The following DRC11 variants were observed in gnomAD, a reference collection of about 807,000 sequenced individuals.
DRC11 encodes the protein IQ and AAA domain-containing protein 1.
the DRC11 span, among the ~76,000 whole-genome samples, chr2:236,357,998 A>G: frequency 8.7e-6 from 1 of 115,510 alleles, no homozygotes; most frequent in South Asian, 2.7e-4. Flanking sequence ...ATATATATGA[A>G]TATATATTTA....
chr2:236,422,765 C>T, the DRC11 span, among the ~76,000 whole-genome samples: 1 of 152,102 alleles, frequency 6.6e-6, no homozygotes, highest in Non-Finnish European at 1.5e-5. Flanking sequence ...GCCAAAAGAA[C>T]AAAGCTGGAG....
At chr2:236,418,629 C>T in the DRC11 span, among the ~76,000 whole-genome samples, 17 of 152,328 alleles carry the variant, frequency 1.1e-4, no homozygotes, top group African/African-American at 3.8e-4. Flanking sequence ...TTCCAACCCC[C>T]CTACACGACG....
chr2:236,442,635 C>G, the DRC11 span, among the ~76,000 whole-genome samples: 1 of 152,150 alleles, frequency 6.6e-6, no homozygotes. Flanking sequence ...AGGTCTCGGT[C>G]ACTGGAAAAC....
At chr2:236,397,252 G>C in the DRC11 span, among the ~76,000 whole-genome samples, 1 of 152,242 alleles carries the variant, frequency 6.6e-6, no homozygotes, top group African/African-American at 2.4e-5. This position sits in a 1 kb window ranked among gnomAD's most constrained non-coding sequence, Gnocchi z 5.0. Flanking sequence ...CTGACTTCCT[G>C]CCATGGGACA....
the DRC11 span, among the ~76,000 whole-genome samples, chr2:236,444,232 G>A: frequency 4.6e-5 from 7 of 152,192 alleles, no homozygotes; most frequent in African/African-American, 9.6e-5. Context: ...TGTTGCAATC[G>A]CCTTTGGCGT....
chr2:236,486,902 TA>T, the DRC11 span: 1 of 1,596,882 alleles, frequency 6.3e-7, no homozygotes. The surrounding 1 kb of genome is among the most constrained non-coding windows in gnomAD (Gnocchi z 5.7). Flanking sequence ...TCGCCAAACC[TA>T]AAAACAAATA....
At chr2:236,448,934 A>G in the DRC11 span, among the ~76,000 whole-genome samples, 1 of 151,216 alleles carries the variant, frequency 6.6e-6, no homozygotes, top group African/African-American at 2.4e-5. The surrounding 1 kb of genome is among the most constrained non-coding windows in gnomAD (Gnocchi z 5.3). Flanking sequence ...ATCTCGGCTC[A>G]CTGCAACCTC....
the DRC11 span, among the ~76,000 whole-genome samples, chr2:236,455,485 A>G: frequency 6.6e-6 from 1 of 152,232 alleles, no homozygotes; most frequent in African/African-American, 2.4e-5. This position sits in a 1 kb window ranked among gnomAD's most constrained non-coding sequence, Gnocchi z 5.7. Context: ...GAGAGCTCGG[A>G]GATACTAGCA....
At chr2:236,452,247 C>G in the DRC11 span, among the ~76,000 whole-genome samples, 1 of 152,158 alleles carries the variant, frequency 6.6e-6, no homozygotes, top group Non-Finnish European at 1.5e-5. The surrounding 1 kb of genome is among the most constrained non-coding windows in gnomAD (Gnocchi z 4.7). Flanking sequence ...GTGAAAATGA[C>G]CATCTCTGGA....
At chr2:236,448,639 TTTA>T in the DRC11 span, among the ~76,000 whole-genome samples, 183 of 151,332 alleles carry the variant, frequency 1.2e-3, 1 homozygote, top group African/African-American at 4.2e-3. This position sits in a 1 kb window ranked among gnomAD's most constrained non-coding sequence, Gnocchi z 5.3. Context: ...CCTGGCTGTA[TTTA>T]TTATTATTAT....
At chr2:236,469,164 G>A in the DRC11 span, among the ~76,000 whole-genome samples, 4 of 152,140 alleles carry the variant, frequency 2.6e-5, no homozygotes, top group East Asian at 3.9e-4. This position sits in a 1 kb window ranked among gnomAD's most constrained non-coding sequence, Gnocchi z 5.8. Flanking sequence ...CCTGTACCGC[G>A]TTTCTTTATT....
At chr2:236,428,032 G>A in the DRC11 span, among the ~76,000 whole-genome samples, 1 of 151,910 alleles carries the variant, frequency 6.6e-6, no homozygotes, top group Non-Finnish European at 1.5e-5. Context: ...CTATCTATTT[G>A]TGAAATTTCA....
the DRC11 span, among the ~76,000 whole-genome samples, chr2:236,447,589 C>T: frequency 3.9e-5 from 6 of 152,292 alleles, no homozygotes; most frequent in South Asian, 1.0e-3. The surrounding 1 kb of genome is among the most constrained non-coding windows in gnomAD (Gnocchi z 4.6). Flanking sequence ...ACTAATGGTT[C>T]GGAAATACCT....
chr2:236,337,655 G>T, the DRC11 span, among the ~76,000 whole-genome samples: 1 of 152,154 alleles, frequency 6.6e-6, no homozygotes, highest in Non-Finnish European at 1.5e-5. This position sits in a 1 kb window ranked among gnomAD's most constrained non-coding sequence, Gnocchi z 4.9. Flanking sequence ...GCCTCCCAGG[G>T]GCTCTTTTTT....
the DRC11 span, among the ~76,000 whole-genome samples, chr2:236,413,378 T>C: frequency 1.3e-5 from 2 of 152,350 alleles, no homozygotes; most frequent in Admixed American, 6.5e-5. This position sits in a 1 kb window ranked among gnomAD's most constrained non-coding sequence, Gnocchi z 4.0. Context: ...TCTTCTCTTA[T>C]TGTATTTCAG....
the DRC11 span, among the ~76,000 whole-genome samples, chr2:236,394,464 C>T: frequency 1.3e-5 from 2 of 152,102 alleles, no homozygotes; most frequent in African/African-American, 4.8e-5. This position sits in a 1 kb window ranked among gnomAD's most constrained non-coding sequence, Gnocchi z 7.0. Context: ...AACCCTGTCT[C>T]TATTAAAAGT....
At chr2:236,503,717 G>A in the DRC11 span, 1 of 1,549,584 alleles carries the variant, frequency 6.5e-7, no homozygotes, top group African/African-American at 1.4e-5. The surrounding 1 kb of genome is among the most constrained non-coding windows in gnomAD (Gnocchi z 4.9). Context: ...CTGCTCCCCA[G>A]CTGTCCTGAT....
chr2:236,323,877 C>G, the DRC11 span, among the ~76,000 whole-genome samples: 1 of 152,216 alleles, frequency 6.6e-6, no homozygotes, highest in Non-Finnish European at 1.5e-5. This position sits in a 1 kb window ranked among gnomAD's most constrained non-coding sequence, Gnocchi z 6.4. Flanking sequence ...TTTCCCTACT[C>G]TTTAATCTTT....
chr2:236,310,090 C>A, the DRC11 span, among the ~76,000 whole-genome samples: 1 of 152,178 alleles, frequency 6.6e-6, no homozygotes, highest in African/African-American at 2.4e-5. The surrounding 1 kb of genome is among the most constrained non-coding windows in gnomAD (Gnocchi z 5.5). Context: ...GTAGGGCAGC[C>A]TGGCCACCAG....
Sources: gnomAD v4.1 joint callset for allele counts (sites outside exome capture counted in the v4.1 genomes callset) on GRCh38, gnomAD v4.1.1 for gene constraint, Gnocchi (gnomAD v3.1) non-coding constraint, MANE v1.5 for transcripts, NCBI Gene and HGNC (gene_info 2026-07-23, HGNC 2026-07-21) for gene names.